PLPPR1: variants seen among roughly 807,000 people sequenced by gnomAD.
The protein encoded by PLPPR1 is phospholipid phosphatase related 1.
In PLPPR1, 10 loss-of-function variants were observed where a neutral mutation model predicts 33.1. That is an observed-to-expected ratio of 0.30 (90% CI 0.19 to 0.51). PLPPR1 has a LOEUF of 0.51. PLPPR1 is among the 20% of genes least tolerant of loss of function. The probability of loss-of-function intolerance (pLI) is 0.97; values close to 1 mark genes in which losing one functional copy is unlikely to be tolerated. For missense variants in PLPPR1, 304 were observed against 408.1 expected (o/e 0.74, Z 2.20); for synonymous variants, 151 against 151.0 (o/e 1.00, Z 0.00).
intron 5 of PLPPR1, among the ~76,000 whole-genome samples, chr9:101,311,889 A>T (rs1828963383): frequency 6.6e-6 from 1 of 152,194 alleles, no homozygotes; most frequent in Non-Finnish European, 1.5e-5. Context: ...GTGTTTTGTA[A>T]CTACTACCAA....
intron 2 of PLPPR1, among the ~76,000 whole-genome samples, chr9:101,221,979 A>G (rs1215360361): frequency 2.0e-5 from 3 of 152,230 alleles, no homozygotes; most frequent in African/African-American, 7.2e-5. Flanking sequence ...CTGTTCTAGT[A>G]GTAAAGAGAC....
chr9:101,037,871 C>A (rs1830029156), intron 1 of PLPPR1, among the ~76,000 whole-genome samples: 1 of 84,542 alleles, frequency 1.2e-5, no homozygotes, highest in Non-Finnish European at 2.3e-5. Context: ...TTTTTTTTTG[C>A]ATGGATTGAC....
intron 3 of PLPPR1, 112 bp from the exon 4 acceptor site, chr9:101,285,992 A>G (rs962257307): frequency 1.6e-5 from 12 of 768,404 alleles, no homozygotes; most frequent in Non-Finnish European, 2.3e-5. Context: ...TCTCTCCAAC[A>G]TCTTTTAAAA....
chr9:101,180,093 T>TA (rs1441646702), intron 1 of PLPPR1, among the ~76,000 whole-genome samples: 2 of 50,220 alleles, frequency 4.0e-5, no homozygotes, highest in Admixed American at 3.2e-4. Context: ...TAAACTCTCC[T>TA]TTATATATAT....
At chr9:101,288,592 T>C (rs1344735246) in intron 4 of PLPPR1, among the ~76,000 whole-genome samples, 2 of 152,174 alleles carry the variant, frequency 1.3e-5, no homozygotes, top group African/African-American at 4.8e-5. Flanking sequence ...AAGCACTTCC[T>C]TCACGCTTTC....
chr9:101,298,912 G>C (rs1189763262), intron 4 of PLPPR1, among the ~76,000 whole-genome samples: 1 of 152,168 alleles, frequency 6.6e-6, no homozygotes, highest in Non-Finnish European at 1.5e-5. Context: ...GAGAATTGTT[G>C]AGTTGGCAGT....
chr9:101,308,339 T>C (rs533549543), intron 4 of PLPPR1, among the ~76,000 whole-genome samples: 2 of 152,132 alleles, frequency 1.3e-5, no homozygotes, highest in Non-Finnish European at 2.9e-5. Context: ...AGATAAGGAA[T>C]GAAGGCAACT....
At position 101,232,004 on chromosome 9, in the gene PLPPR1, G is replaced by A. The variant is rs577806794; in HGVS notation, c.64-37876G>A. Among the ~76,000 whole-genome samples the A allele has an allele frequency of 4.4e-3, 669 of 152,032 alleles. 2 individuals are homozygous for A. The highest frequency in any genetic ancestry group is 7.0e-3 in the Non-Finnish European group (474 of 67,952). ...ATTTTCAAAGCATTACACTTTCAAAGGTAAATTTTAAAATCACATACAAAC... is the reference window on the plus strand; with the variant it reads ...ATTTTCAAAGCATTACACTTTCAAAAGTAAATTTTAAAATCACATACAAAC... On this transcript the variant is annotated intron_variant, in intron 2 of 7. Transcript: ENST00000374874.
At chr9:101,099,719 C>T (rs1412290750) in intron 1 of PLPPR1, among the ~76,000 whole-genome samples, 1 of 152,054 alleles carries the variant, frequency 6.6e-6, no homozygotes, top group Non-Finnish European at 1.5e-5. Context: ...AAAAACTACA[C>T]CATTTTATGT....
chr9:101,125,820 G>T (rs1212739897), intron 1 of PLPPR1: 3 of 687,614 alleles, frequency 4.4e-6, no homozygotes, highest in African/African-American at 1.8e-5. Flanking sequence ...TGTTGTGAAG[G>T]CTTCATTTTG....
chr9:101,034,727 G>A (rs1829989287), intron 1 of PLPPR1, among the ~76,000 whole-genome samples: 2 of 152,120 alleles, frequency 1.3e-5, no homozygotes, highest in African/African-American at 4.8e-5. Context: ...AGTATTAAGT[G>A]TGATAGCAGT....
At position 101,068,073 on chromosome 9, in the gene PLPPR1, A is replaced by C. The variant is rs558933252; in HGVS notation, c.-46+38971A>C. On this transcript the variant is annotated intron_variant, in intron 1 of 7. Transcript: ENST00000374874. ...GCCCACAAAAGCCTATTCAGAAAAT[A>C]ATATGGTTGATCCACTATTATAAGG... is the stretch of plus-strand genomic sequence containing the variant. 2.0e-5 allele frequency among the ~76,000 whole-genome samples: 3 copies of C among 152,232 alleles called. No homozygotes were observed. The South Asian group carries it at 6.2e-4, about 32-fold the overall frequency.
chr9:101,301,702 A>G (rs1828756271), intron 4 of PLPPR1, among the ~76,000 whole-genome samples: 1 of 152,212 alleles, frequency 6.6e-6, no homozygotes, highest in African/African-American at 2.4e-5. Flanking sequence ...CACAATATAT[A>G]GGGCATATGG....
chr9:101,256,947 T>C (rs1827814332), intron 2 of PLPPR1, among the ~76,000 whole-genome samples: 2 of 152,106 alleles, frequency 1.3e-5, no homozygotes, highest in Non-Finnish European at 2.9e-5. Context: ...ACTTTTTCTC[T>C]CCCTCCCTTC....
chr9:101,219,085 C>T lies in PLPPR1; in HGVS notation c.63+33528C>T, dbSNP rs373284068. ...CATGTCATGAACACGCTCCTCCATC[C>T]GGCTTCTCCCCTACTGTGAAAGGGG... On this transcript the variant is annotated intron_variant, in intron 2 of 7. Coordinates refer to ENST00000374874, the MANE Select transcript of PLPPR1 (RefSeq NM_207299.2). 8.2e-4 allele frequency among the ~76,000 whole-genome samples: 125 copies of T among 152,298 alleles called. No homozygotes were observed. The South Asian group carries it at 0.024, about 30-fold the overall frequency.
chr9:101,060,704 G>A (rs1830336308), intron 1 of PLPPR1, among the ~76,000 whole-genome samples: 1 of 151,694 alleles, frequency 6.6e-6, no homozygotes, highest in Admixed American at 6.6e-5. Context: ...ACACTCTGTA[G>A]CAAGATACAG....
At chr9:101,063,017 C>T (rs1237781098) in intron 1 of PLPPR1, among the ~76,000 whole-genome samples, 1 of 151,964 alleles carries the variant, frequency 6.6e-6, no homozygotes, top group African/African-American at 2.4e-5. Flanking sequence ...TCTCAGTCAA[C>T]TGTTTTTCAT....
Position 101,234,969 on chromosome 9 carries a change from G to A in PLPPR1, c.64-34911G>A, listed in dbSNP as rs62576896. ...AGTTATAAAACTAACATATTCTTGA[G>A]TACAGGGATTTTTTTAAAAAGCTGG... On this transcript the variant is annotated intron_variant, in intron 2 of 7. Transcript: ENST00000374874. Among the ~76,000 whole-genome samples the A allele has an allele frequency of 3.8e-3, 577 of 151,946 alleles. 3 individuals are homozygous for A. Among genetic ancestry groups the A allele is most frequent in the Non-Finnish European group, 6.0e-3 (406 of 67,872 alleles).
intron 1 of PLPPR1, among the ~76,000 whole-genome samples, chr9:101,141,468 C>A (rs1831450133): frequency 6.6e-6 from 1 of 152,154 alleles, no homozygotes; most frequent in Admixed American, 6.6e-5. Flanking sequence ...CCAAAAACCA[C>A]ACTGCAAATG....
Sources: allele counts gnomAD v4.1 joint callset (sites outside exome capture counted in the v4.1 genomes callset), GRCh38; gene constraint gnomAD v4.1.1; transcripts MANE v1.5; gene names NCBI Gene and HGNC (gene_info 2026-07-23, HGNC 2026-07-21).